KCNC2: variants seen among roughly 807,000 people sequenced by gnomAD.
KCNC2 encodes the protein voltage-gated potassium channel KCNC2.
A neutral mutation model predicts 44.5 loss-of-function variants in KCNC2; 21 were observed. That is an observed-to-expected ratio of 0.47 (90% CI 0.33 to 0.68). The LOEUF is 0.68. KCNC2 is among the 30% of genes least tolerant of loss of function. The probability of loss-of-function intolerance (pLI) is 0.01; values close to 1 mark genes in which losing one functional copy is unlikely to be tolerated. For synonymous variants in KCNC2, 391 were observed against 339.1 expected (o/e 1.15, Z -1.68); for missense variants, 589 against 826.2 (o/e 0.71, Z 3.52).
intron 2 of KCNC2, among the ~76,000 whole-genome samples, chr12:75,104,352 C>T (rs1400221712): frequency 6.6e-6 from 1 of 152,098 alleles, no homozygotes; most frequent in Non-Finnish European, 1.5e-5. Flanking sequence ...CAGAACGGTA[C>T]ACAATTTAAA....
At chr12:75,138,030 A>G (rs1243847869) in intron 2 of KCNC2, among the ~76,000 whole-genome samples, 1 of 152,210 alleles carries the variant, frequency 6.6e-6, no homozygotes, top group Non-Finnish European at 1.5e-5. Context: ...ATTGTCATTG[A>G]TCAACAGTTA....
Position 75,040,885 on chromosome 12 carries a change from A to G in KCNC2, c.*2220T>C, listed in dbSNP as rs1053047436. 1 of 528,628 alleles carries G rather than the reference A, an allele frequency of 1.9e-6. No homozygotes were observed. The highest frequency in any genetic ancestry group is 3.4e-6 in the Non-Finnish European group (1 of 293,922). 32.7% of individuals were successfully genotyped at this position (528,628 alleles called of 1,614,324 possible). A position where few individuals can be genotyped will look rare whatever the true frequency, so the allele number is the denominator to read the frequency against. Reference sequence around the variant, plus strand: ...CTTACTTGAAACTTCAGAGATGTTGATCATGAATTTGGCTTCTTTTGATGA... The same window carrying G: ...CTTACTTGAAACTTCAGAGATGTTGGTCATGAATTTGGCTTCTTTTGATGA... On this transcript the variant is annotated 3_prime_UTR_variant, in exon 5 of 5. Coordinates refer to ENST00000549446, the MANE Select transcript of KCNC2 (RefSeq NM_139137.4).
chr12:75,076,304 T>A (rs938656444), intron 2 of KCNC2, among the ~76,000 whole-genome samples: 2 of 151,594 alleles, frequency 1.3e-5, no homozygotes, highest in African/African-American at 4.8e-5. Context: ...TTTCTGAGAC[T>A]GAGTCTCGCT....
rs1193997273 is a variant in KCNC2, at chr12:75,040,389, G to A, written c.*2716C>T. ...CCACAAAACTCACAAAAAAGTAATT[G>A]ATTAAAGAATATCTCTTTTATGCAA... is the stretch of plus-strand genomic sequence containing the variant. On this transcript the variant is annotated 3_prime_UTR_variant, in exon 5 of 5. Coordinates refer to ENST00000549446, the MANE Select transcript of KCNC2 (RefSeq NM_139137.4). 1.3e-5 allele frequency: 2 copies of A among 152,252 alleles called. No individual in the cohort carries two copies. Among genetic ancestry groups the A allele is most frequent in the Admixed American group, 6.6e-5 (1 of 15,210 alleles). The allele number at this position is 152,252 out of a possible 1,614,324, so 9.4% of individuals were successfully genotyped here.
chr12:75,044,404 C>G (rs1038672367), intron 4 of KCNC2: 7 of 151,796 alleles, frequency 4.6e-5, no homozygotes, highest in African/African-American at 7.3e-5. Context: ...GGATTCTAAT[C>G]AGACCTCAGT....
chr12:75,207,780 G>A lies in KCNC2; in HGVS notation c.204C>T (p.Pro68=), dbSNP rs2137830763. The change falls in exon 2 of 5, where the codon CCC becomes CCT. Residue 68 remains proline (P), a synonymous_variant. Coordinates refer to ENST00000549446, the MANE Select transcript of KCNC2 (RefSeq NM_139137.4). This position sits in a 1 kb window ranked among gnomAD's most constrained non-coding sequence, Gnocchi z 4.1. ...PPPLSPPPRA[P]PLSPGPGGCF... ...AGCCGCCTGGCCCGGGGGACAGCGG[G>A]GGCGCTCTCGGCGGCGGCGACAGTG... The A allele has an allele frequency of 6.3e-7, 1 of 1,586,778 alleles. No individual in the cohort carries two copies. Among genetic ancestry groups the A allele is most frequent in the Non-Finnish European group, 8.6e-7 (1 of 1,167,714 alleles).
intron 2 of KCNC2, among the ~76,000 whole-genome samples, chr12:75,142,623 A>G (rs930230678): frequency 4.6e-5 from 7 of 152,238 alleles, no homozygotes; most frequent in Admixed American, 3.3e-4. Context: ...ATGGGGTTCC[A>G]GAAGATTCAC....
In KCNC2 at chr12:75,041,956, C is replaced by A; in HGVS notation, c.*1149G>T. 1 of 1,011,208 alleles carries A rather than the reference C, an allele frequency of 9.9e-7. No homozygotes were observed. Among genetic ancestry groups the A allele is most frequent in the Non-Finnish European group, 1.2e-6 (1 of 847,542 alleles). The allele number at this position is 1,011,208 out of a possible 1,614,324, so 62.6% of individuals were successfully genotyped here. ...AGACAGATGGCATATACAGGAAAGA[C>A]AGGGAGCTAAGACAGACAAGAACAA... On this transcript the variant is annotated 3_prime_UTR_variant, in exon 5 of 5. Transcript: ENST00000549446.
chr12:75,106,147 T>G (rs1886764536), intron 2 of KCNC2, among the ~76,000 whole-genome samples: 1 of 152,150 alleles, frequency 6.6e-6, no homozygotes, highest in Non-Finnish European at 1.5e-5. Context: ...CAAATGCTGT[T>G]GATGAATCTC....
At chr12:75,149,193 G>A (rs1402203815) in intron 2 of KCNC2, among the ~76,000 whole-genome samples, 1 of 151,590 alleles carries the variant, frequency 6.6e-6, no homozygotes, top group Non-Finnish European at 1.5e-5. Flanking sequence ...GAGGAACTCT[G>A]TATTTGTGTC....
In KCNC2 at chr12:75,047,292, G is replaced by T. The variant is rs577253654; in HGVS notation, c.1780+861C>A. ...TAAAGGGGAGGAAAAGATCCCAATT[G>T]TCCTAAGGTTGTAAAGTTTACCAAA... On this transcript the variant is annotated intron_variant, in intron 4 of 4. Coordinates refer to ENST00000549446, the MANE Select transcript of KCNC2 (RefSeq NM_139137.4). Among the ~76,000 whole-genome samples the T allele has an allele frequency of 7.2e-5, 11 of 151,996 alleles. No homozygotes were observed. In the East Asian group the frequency reaches 1.7e-3, roughly 24 times the overall value.
At chr12:75,138,700 G>A (rs1889403621) in intron 2 of KCNC2, among the ~76,000 whole-genome samples, 1 of 152,110 alleles carries the variant, frequency 6.6e-6, no homozygotes, top group African/African-American at 2.4e-5. Context: ...GGGATTCCGG[G>A]CTGGGCGCGG....
intron 2 of KCNC2, among the ~76,000 whole-genome samples, chr12:75,076,343 A>G (rs7972463): frequency 0.89 from 134,935 of 152,056 alleles, 59,919 homozygotes; most frequent in Admixed American, 0.91. Flanking sequence ...CGCGATCTCG[A>G]CTCACTGCAA....
intron 2 of KCNC2, among the ~76,000 whole-genome samples, chr12:75,147,344 A>G (rs1011450689): frequency 3.9e-5 from 6 of 152,138 alleles, no homozygotes; most frequent in East Asian, 3.8e-4. Flanking sequence ...TATTATTTCA[A>G]TGAAGCTCTG....
intron 2 of KCNC2, among the ~76,000 whole-genome samples, chr12:75,138,722 T>G (rs774302561): frequency 2.6e-5 from 4 of 151,976 alleles, no homozygotes; most frequent in Non-Finnish European, 4.4e-5. Flanking sequence ...GGCTCATGCT[T>G]ATAATCCCAG....
chr12:75,192,698 T>C (rs1565683328), intron 2 of KCNC2, among the ~76,000 whole-genome samples: 2 of 151,998 alleles, frequency 1.3e-5, no homozygotes, highest in Admixed American at 6.6e-5. Flanking sequence ...AATTAAAAAG[T>C]GGGAAAAGAA....
chr12:75,197,271 C>T (rs1293627673), intron 2 of KCNC2, among the ~76,000 whole-genome samples: 3 of 152,020 alleles, frequency 2.0e-5, no homozygotes, highest in Non-Finnish European at 4.4e-5. Context: ...TTTCCACCCT[C>T]CCTGTTCTCT....
At chr12:75,184,706 G>C (rs750850154) in intron 2 of KCNC2, among the ~76,000 whole-genome samples, 1 of 152,150 alleles carries the variant, frequency 6.6e-6, no homozygotes, top group Non-Finnish European at 1.5e-5. Flanking sequence ...GGTTCACCAA[G>C]CACAGTGTTC....
intron 2 of KCNC2, among the ~76,000 whole-genome samples, chr12:75,120,511 A>C (rs1274333628): frequency 9.9e-5 from 15 of 152,194 alleles, no homozygotes. Flanking sequence ...TCCATATGCT[A>C]TCTCTAAATC....
Sources: gnomAD v4.1 joint callset for allele counts (sites outside exome capture counted in the v4.1 genomes callset) on GRCh38, gnomAD v4.1.1 for gene constraint, Gnocchi (gnomAD v3.1) non-coding constraint, MANE v1.5 for transcripts, NCBI Gene and HGNC (gene_info 2026-07-23, HGNC 2026-07-21) for gene names.